AGBL3: variants seen among roughly 807,000 people sequenced by gnomAD.
AGBL3 encodes cytosolic carboxypeptidase 3.
A neutral mutation model predicts 94.5 loss-of-function variants in AGBL3; 68 were observed. That is an observed-to-expected ratio of 0.72 (90% CI 0.59 to 0.88). AGBL3 has a LOEUF of 0.88. Ranked by LOEUF, AGBL3 falls within the 40% of genes least tolerant of loss-of-function variation. AGBL3 has a pLI of 0.00. For missense variants in AGBL3, 934 were observed against 1,103.8 expected (o/e 0.85, Z 2.18); for synonymous variants, 354 against 370.7 (o/e 0.95, Z 0.52).
At chr7:135,056,566 G>A (rs1818363863) in intron 11 of AGBL3, among the ~76,000 whole-genome samples, 1 of 151,788 alleles carries the variant, frequency 6.6e-6, no homozygotes, top group African/African-American at 2.4e-5. Flanking sequence ...AAGATAAAAG[G>A]TTAATATACA....
chr7:135,083,434 A>G (rs554747357), intron 15 of AGBL3, among the ~76,000 whole-genome samples: 1 of 152,202 alleles, frequency 6.6e-6, no homozygotes, highest in East Asian at 1.9e-4. Context: ...ATTTCTTTTT[A>G]CATTTAATTT....
chr7:135,020,081 G>C (rs2116265356), intron 5 of AGBL3, among the ~76,000 whole-genome samples: 1 of 152,262 alleles, frequency 6.6e-6, no homozygotes, highest in East Asian at 1.9e-4. Context: ...TTAAACTAAA[G>C]AGCTTCTGTA....
chr7:135,069,290 C>T (rs6970609), intron 12 of AGBL3, among the ~76,000 whole-genome samples: 73,346 of 151,520 alleles, frequency 0.48, 18,064 homozygotes, highest in South Asian at 0.65. Flanking sequence ...ACTTTAACAC[C>T]CCACTGTCAA....
intron 1 of AGBL3, 22 bp downstream of exon 1, chr7:134,986,723 C>T (rs1809484382): frequency 1.3e-5 from 2 of 152,394 alleles, no homozygotes; most frequent in African/African-American, 2.4e-5. Context: ...TAAGGCGGGG[C>T]GCCCCCTGCG....
chr7:135,044,274 T>A (rs1817142766), intron 9 of AGBL3, 123 bp downstream of exon 9: 1 of 947,638 alleles, frequency 1.1e-6, no homozygotes, highest in Non-Finnish European at 1.4e-6. Flanking sequence ...TAATATTTAA[T>A]CAATTCTATA....
At chr7:135,045,448 G>A in intron 9 of AGBL3, 26 bp from the exon 10 acceptor site, 1 of 1,526,150 alleles carries the variant, frequency 6.6e-7, no homozygotes. Flanking sequence ...TACCCTCAAG[G>A]GTGGATAAAC....
chr7:135,072,758 T>C (rs1417470765), intron 12 of AGBL3, among the ~76,000 whole-genome samples: 5 of 119,226 alleles, frequency 4.2e-5, no homozygotes, highest in African/African-American at 1.3e-4. Context: ...ACACCGGGGC[T>C]TGTTGTGGAG....
chr7:135,133,925 T>C (rs923595984), intron 16 of AGBL3, among the ~76,000 whole-genome samples: 1 of 151,462 alleles, frequency 6.6e-6, no homozygotes, highest in Non-Finnish European at 1.5e-5. Flanking sequence ...CAAAACAACA[T>C]AGATGAATCT....
intron 16 of AGBL3, among the ~76,000 whole-genome samples, chr7:135,118,151 C>A (rs1826591968): frequency 6.6e-6 from 1 of 152,068 alleles, no homozygotes; most frequent in African/African-American, 2.4e-5. Flanking sequence ...CTTCCCCTAC[C>A]CTACCTTATG....
intron 11 of AGBL3, among the ~76,000 whole-genome samples, 199 bp downstream of exon 11, chr7:135,046,110 T>C (rs929013709): frequency 3.9e-5 from 6 of 152,200 alleles, no homozygotes; most frequent in African/African-American, 1.4e-4. Context: ...CATTGCTATG[T>C]ACAGTGTACT....
chr7:135,083,334 T>G (rs1821074568), intron 15 of AGBL3, among the ~76,000 whole-genome samples: 1 of 152,174 alleles, frequency 6.6e-6, no homozygotes, highest in African/African-American at 2.4e-5. Flanking sequence ...AAAAGCCTTT[T>G]AGTGATTCCC....
intron 15 of AGBL3, among the ~76,000 whole-genome samples, chr7:135,102,302 A>AT (rs1823957058): frequency 6.6e-6 from 1 of 152,094 alleles, no homozygotes; most frequent in Non-Finnish European, 1.5e-5. Flanking sequence ...TTATACTTAT[A>AT]TTTTCTTCTG....
intron 7 of AGBL3, among the ~76,000 whole-genome samples, chr7:135,035,880 AGTT>A: frequency 6.6e-6 from 1 of 152,100 alleles, no homozygotes; most frequent in Non-Finnish European, 1.5e-5. Context: ...CTTATAATCT[AGTT>A]AGTTTTCTAG....
At position 135,017,146 on chromosome 7, in the gene AGBL3, T is replaced by G. The variant is rs990558458; in HGVS notation, c.405T>G (p.Tyr135Ter). The G allele has an allele frequency of 6.5e-7, 1 of 1,543,722 alleles. No individual in the cohort carries two copies. The highest frequency in any genetic ancestry group is 1.4e-5 in the African/African-American group (1 of 72,910). Residue 135 changes from tyrosine to a stop codon, truncating the protein, a stop_gained, in exon 5 of 17, where the codon TAT becomes TAG. Transcript: ENST00000436302. LOFTEE classifies it high-confidence loss of function. The stretch of plus-strand genomic sequence containing the variant: ...ACTCCAAGGAAGCTACTGTGGTTTA[T>G]CTAGCTGAAGATGGTGAGCACATAA... ...YPDSKEATVV[Y>*]LAEDAYKEPC...
chr7:135,117,481 A>C (rs1826487691), intron 16 of AGBL3, among the ~76,000 whole-genome samples: 1 of 152,246 alleles, frequency 6.6e-6, no homozygotes. Flanking sequence ...ACCAATGTCT[A>C]AAATGGTTTA....
intron 5 of AGBL3, among the ~76,000 whole-genome samples, chr7:135,028,406 A>G (rs1351458881): frequency 6.6e-6 from 1 of 152,226 alleles, no homozygotes; most frequent in Non-Finnish European, 1.5e-5. Context: ...CATTTCAACA[A>G]TCTTCACAGC....
At chr7:135,088,010 T>C (rs1821465769) in intron 15 of AGBL3, among the ~76,000 whole-genome samples, 1 of 152,118 alleles carries the variant, frequency 6.6e-6, no homozygotes, top group South Asian at 2.1e-4. Flanking sequence ...CAGTGTGGGG[T>C]GCATATGTAT....
chr7:135,098,462 T>A (rs909411211), intron 15 of AGBL3, among the ~76,000 whole-genome samples: 4 of 152,222 alleles, frequency 2.6e-5, no homozygotes, highest in African/African-American at 9.6e-5. Flanking sequence ...TTGGTACAGA[T>A]GCATTTTTTT....
At position 135,104,578 on chromosome 7, in the gene AGBL3, T is replaced by C. The variant is rs188997398; in HGVS notation, c.2111-10802T>C. On this transcript the variant is annotated intron_variant, in intron 15 of 16. Transcript: ENST00000436302. ...ATAAGATTCCCTTTTTTCTGCAACC[T>C]TGCCGGCATTTGTTATTTTTTGACT... Among the ~76,000 whole-genome samples, 16 of 152,328 alleles carry C rather than the reference T, an allele frequency of 1.1e-4. No homozygotes were observed. The East Asian group carries it at 2.9e-3, about 28-fold the overall frequency.
Sources: allele counts gnomAD v4.1 joint callset (sites outside exome capture counted in the v4.1 genomes callset), GRCh38; gene constraint gnomAD v4.1.1; transcripts MANE v1.5; gene names NCBI Gene and HGNC (gene_info 2026-07-23, HGNC 2026-07-21).